PCCA: variants seen among roughly 807,000 people sequenced by gnomAD.
PCCA encodes the protein propionyl-CoA carboxylase alpha chain, mitochondrial.
Under a neutral mutation model 101.3 loss-of-function variants are expected in PCCA, and 74 were observed. The ratio of observed to expected loss-of-function variants is 0.73; its 90% CI spans 0.61 to 0.89. PCCA has a LOEUF of 0.89. Among genes scored for constraint, PCCA ranks in the 40% least tolerant of loss-of-function variants. The pLI, the probability that PCCA is intolerant of heterozygous loss-of-function variation, is 0.00. For missense variants in PCCA, 891 were observed against 907.0 expected (o/e 0.98, Z 0.23); for synonymous variants, 294 against 313.6 (o/e 0.94, Z 0.66).
chr13:100,515,583 G>C lies in PCCA; in HGVS notation c.2040+16G>C, dbSNP rs2152998313. The C allele has an allele frequency of 3.1e-6, 5 of 1,612,596 alleles. No individual in the cohort carries two copies. The highest frequency in any genetic ancestry group is 2.5e-6 in the Non-Finnish European group (3 of 1,179,880). On this transcript the variant is annotated intron_variant, in intron 22 of 23. Coordinates refer to ENST00000376285, the MANE Select transcript of PCCA (RefSeq NM_000282.4). ...TGGAGACGCGGTAAGGGCTGTGTGT[G>C]TCTCTCTGCAGGACATGCTGGTCTC...
At chr13:100,311,128 G>C (rs1285688636) in intron 16 of PCCA, among the ~76,000 whole-genome samples, 3 of 151,916 alleles carry the variant, frequency 2.0e-5, no homozygotes, top group African/African-American at 7.3e-5. Context: ...CCGCTACTTG[G>C]GAGGCTGAGG....
chr13:100,393,256 C>T (rs1197544404), intron 19 of PCCA, among the ~76,000 whole-genome samples: 1 of 152,042 alleles, frequency 6.6e-6, no homozygotes, highest in Non-Finnish European at 1.5e-5. Context: ...GACACTAACA[C>T]CACATTATCC....
intron 19 of PCCA, among the ~76,000 whole-genome samples, chr13:100,372,009 G>T (rs2075604879): frequency 6.6e-6 from 1 of 152,142 alleles, no homozygotes; most frequent in South Asian, 2.1e-4. Flanking sequence ...ATGGATCAAA[G>T]ACCTAAATGT....
intron 22 of PCCA, among the ~76,000 whole-genome samples, chr13:100,525,026 T>TAGATAGATAGATAGATAGATAGAC (rs1178941372): frequency 1.4e-5 from 2 of 142,526 alleles, no homozygotes; most frequent in African/African-American, 5.3e-5. Context: ...GATAGATAGA[T>TAGATAGATAGATAGATAGATAGAC]AGACAGACAG....
intron 4 of PCCA, among the ~76,000 whole-genome samples, chr13:100,137,634 T>C (rs1008827836): frequency 6.6e-6 from 1 of 152,212 alleles, no homozygotes; most frequent in Non-Finnish European, 1.5e-5. Flanking sequence ...CTACTTTTTC[T>C]GATACTAACC....
At chr13:100,403,949 A>T (rs1052293010) in intron 19 of PCCA, among the ~76,000 whole-genome samples, 1 of 152,168 alleles carries the variant, frequency 6.6e-6, no homozygotes, top group African/African-American at 2.4e-5. Context: ...CCTCTAAAGA[A>T]GTACATCTAA....
intron 15 of PCCA, among the ~76,000 whole-genome samples, chr13:100,308,906 T>C (rs1374314978): frequency 6.6e-6 from 1 of 152,214 alleles, no homozygotes; most frequent in African/African-American, 2.4e-5. Context: ...TCTTATTTCA[T>C]TGCCAAATTA....
At chr13:100,181,856 C>G (rs1170465639) in intron 6 of PCCA, among the ~76,000 whole-genome samples, 4 of 148,432 alleles carry the variant, frequency 2.7e-5, no homozygotes, top group Admixed American at 6.8e-5. Flanking sequence ...ACCTCTGCCT[C>G]TGTGTTCAAG....
At chr13:100,422,094 C>CT (rs1179929461) in intron 19 of PCCA, among the ~76,000 whole-genome samples, 2 of 132,024 alleles carry the variant, frequency 1.5e-5, no homozygotes, top group African/African-American at 6.0e-5. Context: ...TTCTTTCTTT[C>CT]TTTCTTTCTT....
intron 9 of PCCA, among the ~76,000 whole-genome samples, chr13:100,259,227 T>C (rs904390748): frequency 4.6e-5 from 7 of 152,106 alleles, no homozygotes; most frequent in Non-Finnish European, 1.0e-4. Context: ...GGGGTGTCTT[T>C]TTCTTGTAAC....
At chr13:100,142,614 C>T (rs1488650263) in intron 4 of PCCA, among the ~76,000 whole-genome samples, 8 of 151,948 alleles carry the variant, frequency 5.3e-5, no homozygotes, top group African/African-American at 1.2e-4. Context: ...GTTAGGATTA[C>T]AAGTGCGTGC....
At chr13:100,331,251 T>A (rs1286006312) in intron 17 of PCCA, among the ~76,000 whole-genome samples, 1 of 152,174 alleles carries the variant, frequency 6.6e-6, no homozygotes, top group Non-Finnish European at 1.5e-5. Context: ...GAAAACCCTT[T>A]AGTGAGCATT....
intron 6 of PCCA, among the ~76,000 whole-genome samples, chr13:100,180,787 G>T (rs963095124): frequency 1.3e-5 from 2 of 152,220 alleles, no homozygotes; most frequent in Non-Finnish European, 2.9e-5. Context: ...TTGTATATGG[G>T]CTTATGTTTG....
intron 21 of PCCA, among the ~76,000 whole-genome samples, chr13:100,461,420 T>C (rs1390591679): frequency 6.6e-6 from 1 of 152,228 alleles, no homozygotes; most frequent in Non-Finnish European, 1.5e-5. Flanking sequence ...ATTTAACTAA[T>C]TAAAAAATGA....
intron 4 of PCCA, among the ~76,000 whole-genome samples, chr13:100,113,591 T>G (rs1172847930): frequency 6.6e-6 from 1 of 151,524 alleles, no homozygotes; most frequent in Admixed American, 6.6e-5. Context: ...TTTTTTTTTT[T>G]TTTTTGAGAC....
intron 6 of PCCA, among the ~76,000 whole-genome samples, chr13:100,203,124 A>T (rs1164534107): frequency 3.9e-5 from 6 of 151,958 alleles, no homozygotes; most frequent in African/African-American, 1.2e-4. Flanking sequence ...TACAAAAAAA[A>T]TTAGCCGGGC....
At chr13:100,477,594 A>T (rs181779005) in intron 21 of PCCA, among the ~76,000 whole-genome samples, 98 of 152,346 alleles carry the variant, frequency 6.4e-4, no homozygotes, top group African/African-American at 2.3e-3. Flanking sequence ...GTTGTTAAGA[A>T]ATAATTGTTT....
intron 4 of PCCA, among the ~76,000 whole-genome samples, chr13:100,128,791 T>A (rs903766770): frequency 2.7e-4 from 41 of 152,210 alleles, no homozygotes. Flanking sequence ...ATCCTCTGGC[T>A]TTGGTGCCAT....
chr13:100,360,963 A>C (rs1007435135), intron 18 of PCCA, among the ~76,000 whole-genome samples: 1 of 152,226 alleles, frequency 6.6e-6, no homozygotes, highest in Admixed American at 6.5e-5. Flanking sequence ...ATTATTTAGC[A>C]ATAAAAAGAA....
Sources: gnomAD v4.1 joint callset for allele counts (sites outside exome capture counted in the v4.1 genomes callset) on GRCh38, gnomAD v4.1.1 for gene constraint, MANE v1.5 for transcripts, NCBI Gene and HGNC (gene_info 2026-07-23, HGNC 2026-07-21) for gene names.